The following FHIT variants were observed in gnomAD, a reference collection of about 807,000 sequenced individuals.
FHIT encodes bis(5'-adenosyl)-triphosphatase.
A neutral mutation model predicts 17.9 loss-of-function variants in FHIT; 19 were observed. That is an observed-to-expected ratio of 1.06 (90% CI 0.74 to 1.56). The LOEUF (loss-of-function observed/expected upper bound fraction) is 1.56. Among genes scored for constraint, FHIT ranks in the 40% most tolerant of loss-of-function variants. The pLI is 0.00. For missense variants in FHIT, 248 were observed against 189.2 expected (o/e 1.31, Z -1.82); for synonymous variants, 81 against 69.7 (o/e 1.16, Z -0.81).
At chr3:60,514,983 T>C (rs1403432372) in intron 5 of FHIT, among the ~76,000 whole-genome samples, 1 of 151,358 alleles carries the variant, frequency 6.6e-6, no homozygotes, top group African/African-American at 2.4e-5. Context: ...AGAGGCCACC[T>C]TACTAGATAA....
chr3:61,088,912 A>T (rs2035389711), intron 2 of FHIT, among the ~76,000 whole-genome samples: 1 of 152,168 alleles, frequency 6.6e-6, no homozygotes, highest in Non-Finnish European at 1.5e-5. Flanking sequence ...AAGTACTGCA[A>T]GTGTGGGAAA....
intron 5 of FHIT, among the ~76,000 whole-genome samples, chr3:60,196,639 G>A (rs1156796691): frequency 6.6e-6 from 1 of 151,908 alleles, no homozygotes; most frequent in Non-Finnish European, 1.5e-5. Flanking sequence ...CCACACACCC[G>A]CCCTAAGTGC....
At chr3:60,576,613 T>C (rs1432302853) in intron 4 of FHIT, among the ~76,000 whole-genome samples, 1 of 152,128 alleles carries the variant, frequency 6.6e-6, no homozygotes, top group Non-Finnish European at 1.5e-5. Flanking sequence ...TTTATTTCAA[T>C]TGGGAGTGAA....
chr3:60,760,544 A>G (rs62249310), intron 4 of FHIT, among the ~76,000 whole-genome samples: 5,298 of 152,278 alleles, frequency 0.035, 108 homozygotes, highest in Middle Eastern at 0.12. Flanking sequence ...CACAAATCCT[A>G]CTAATATTAA....
intron 1 of FHIT, among the ~76,000 whole-genome samples, chr3:61,243,645 C>T (rs1421655129): frequency 1.3e-5 from 2 of 152,174 alleles, no homozygotes; most frequent in Non-Finnish European, 2.9e-5. Context: ...TTCAATAACA[C>T]TGCCATAGAT....
intron 4 of FHIT, chr3:60,732,684 CTTTTTTTTT>C: frequency 5.6e-6 from 1 of 177,136 alleles, no homozygotes; most frequent in Non-Finnish European, 1.0e-5. Flanking sequence ...GCAAAGACTG[CTTTTTTTTT>C]TTTTTTTTTT....
intron 8 of FHIT, among the ~76,000 whole-genome samples, chr3:59,914,629 T>G (rs1425229325): frequency 6.6e-6 from 1 of 152,184 alleles, no homozygotes; most frequent in Non-Finnish European, 1.5e-5. Context: ...ATCTTCTGTT[T>G]CCCCCTAATT....
chr3:60,766,002 T>A (rs1699839680), intron 4 of FHIT, among the ~76,000 whole-genome samples: 1 of 152,168 alleles, frequency 6.6e-6, no homozygotes, highest in Non-Finnish European at 1.5e-5. Flanking sequence ...GCCTGCACTG[T>A]CAGCTTTTCT....
chr3:60,623,038 C>T (rs917794372), intron 4 of FHIT, among the ~76,000 whole-genome samples: 19 of 152,182 alleles, frequency 1.2e-4, no homozygotes, highest in African/African-American at 3.1e-4. Flanking sequence ...TTTTCTCCCA[C>T]GAAGCCCATC....
At chr3:59,891,401 TG>T (rs1703850079) in intron 8 of FHIT, among the ~76,000 whole-genome samples, 1 of 152,134 alleles carries the variant, frequency 6.6e-6, no homozygotes, top group South Asian at 2.1e-4. Context: ...GGGGCTCCAG[TG>T]AGAAGAATTC....
At chr3:60,834,881 G>GAAAA (rs71092645) in intron 3 of FHIT, among the ~76,000 whole-genome samples, 2 of 94,490 alleles carry the variant, frequency 2.1e-5, no homozygotes, top group Admixed American at 1.2e-4. Context: ...GAAAAGAAAA[G>GAAAA]AAAAAAAAAA....
intron 8 of FHIT, among the ~76,000 whole-genome samples, chr3:59,880,892 T>C (rs1209024579): frequency 1.3e-5 from 2 of 152,148 alleles, no homozygotes; most frequent in Admixed American, 1.3e-4. Context: ...TCAGACTACA[T>C]GGAATGAATG....
At chr3:60,232,362 T>C (rs867180121) in intron 5 of FHIT, among the ~76,000 whole-genome samples, 2 of 152,292 alleles carry the variant, frequency 1.3e-5, no homozygotes, top group Middle Eastern at 3.4e-3. Context: ...GGAGATTTTT[T>C]AAGAACAGGA....
intron 5 of FHIT, among the ~76,000 whole-genome samples, chr3:60,188,251 CAG>C (rs1426474748): frequency 8.1e-6 from 1 of 122,828 alleles, no homozygotes; most frequent in African/African-American, 3.0e-5. Context: ...TAAAGGCAAA[CAG>C]AATTCAGTTC....
At chr3:60,769,654 T>G (rs782021427) in intron 4 of FHIT, among the ~76,000 whole-genome samples, 1 of 152,200 alleles carries the variant, frequency 6.6e-6, no homozygotes, top group Non-Finnish European at 1.5e-5. Flanking sequence ...AAGTCGGGTA[T>G]AGAAACAGTG....
chr3:60,925,627 C>A lies in FHIT; in HGVS notation c.-110-103616G>T, dbSNP rs539709158. ...AAATATACCAAATTGTAAAGCCCAT[C>A]GAGGCTAGGAAGAAACTGCATCAAC... On this transcript the variant is annotated intron_variant, in intron 3 of 9. Transcript: ENST00000492590. Among the ~76,000 whole-genome samples the A allele has an allele frequency of 2.6e-5, 4 of 152,262 alleles. No individual in the cohort carries two copies. The South Asian group carries it at 8.3e-4, about 32-fold the overall frequency.
intron 5 of FHIT, among the ~76,000 whole-genome samples, chr3:60,279,876 A>C (rs1427509612): frequency 1.3e-5 from 2 of 151,848 alleles, no homozygotes; most frequent in African/African-American, 4.8e-5. Flanking sequence ...CTAAAAATAC[A>C]AAAAAATTAG....
intron 4 of FHIT, among the ~76,000 whole-genome samples, chr3:60,655,482 C>T (rs932060681): frequency 3.9e-5 from 6 of 152,098 alleles, no homozygotes; most frequent in Admixed American, 2.6e-4. Context: ...TTATTTATAA[C>T]GAGGAGAGAG....
chr3:59,965,959 G>A (rs545186752), intron 7 of FHIT, among the ~76,000 whole-genome samples: 33 of 152,212 alleles, frequency 2.2e-4, no homozygotes, highest in Admixed American at 1.2e-3. Flanking sequence ...GTATGTCACC[G>A]TCTTAAAGGC....
Sources: allele counts gnomAD v4.1 joint callset (sites outside exome capture counted in the v4.1 genomes callset), GRCh38; gene constraint gnomAD v4.1.1; transcripts MANE v1.5; gene names NCBI Gene and HGNC (gene_info 2026-07-23, HGNC 2026-07-21).